FAM135A: variants seen among roughly 807,000 people sequenced by gnomAD.
The protein encoded by FAM135A is family with sequence similarity 135 member A.
In FAM135A, 79 loss-of-function variants were observed where a neutral mutation model predicts 146.8. The ratio of observed to expected loss-of-function variants is 0.54; its 90% CI spans 0.45 to 0.65. The LOEUF is 0.65. FAM135A is among the 30% of genes least tolerant of loss of function. FAM135A has a pLI of 0.00. For missense variants in FAM135A, 1,623 were observed against 1,758.2 expected, an observed-to-expected ratio of 0.92 and a Z score of 1.38; for synonymous variants, 562 against 603.6, an observed-to-expected ratio of 0.93 and a Z score of 1.01.
chr6:70,452,530 G>T lies in FAM135A; in HGVS notation c.116G>T (p.Arg39Ile), dbSNP rs1777343304. The change falls in exon 5 of 22, where the codon AGA becomes ATA. Residue 39 changes from arginine to isoleucine, a missense_variant. Physicochemically the swap from Arg to Ile is moderately conservative, Grantham distance 97 (BLOSUM62 -3). This residue lies in a region of FAM135A where 171 missense variants were observed against 164.9 expected (regional missense o/e 1.04). Coordinates refer to ENST00000418814, the MANE Select transcript of FAM135A (RefSeq NM_001162529.3). ...CGTGCTTCTATGAAAATTCCATCAA[G>T]AATTCCCCACAGAGTAGAAGCTAGT... is the stretch of plus-strand genomic sequence containing the variant. ...QIRASMKIPS[R>I]IPHRVEASLL... The T allele has an allele frequency of 6.3e-7, 1 of 1,596,896 alleles. No individual in the cohort carries two copies. Among genetic ancestry groups the T allele is most frequent in the East Asian group, 2.3e-5 (1 of 43,576 alleles).
intron 10 of FAM135A, among the ~76,000 whole-genome samples, chr6:70,489,364 TA>T (rs368987339): frequency 6.6e-6 from 1 of 151,598 alleles, no homozygotes; most frequent in African/African-American, 2.4e-5. Flanking sequence ...ATTAGTGATC[TA>T]TTTTTTGGTA....
Position 70,560,239 on chromosome 6 carries a change from T to G in FAM135A, c.*318T>G, listed in dbSNP as rs1242348398. On this transcript the variant is annotated 3_prime_UTR_variant, in exon 22 of 22. Transcript: ENST00000418814. ...GTTTATTATTGGCTTTCCACAATTC[T>G]TACATCAGACTACATTATATTAGAG... The G allele has an allele frequency of 1.3e-5, 3 of 228,368 alleles. No individual in the cohort carries two copies. The highest frequency in any genetic ancestry group is 7.0e-5 in the African/African-American group (3 of 42,948). 14.1% of individuals were successfully genotyped at this position (228,368 alleles called of 1,614,324 possible).
At chr6:70,486,667 G>A (rs906597294) in intron 10 of FAM135A, among the ~76,000 whole-genome samples, 2 of 152,038 alleles carry the variant, frequency 1.3e-5, no homozygotes, top group Admixed American at 6.6e-5. Flanking sequence ...GGTGACTCAC[G>A]CCTGTAATCC....
chr6:70,468,919 G>A (rs1055445076), intron 5 of FAM135A, among the ~76,000 whole-genome samples: 2 of 152,130 alleles, frequency 1.3e-5, no homozygotes, highest in Non-Finnish European at 2.9e-5. Context: ...AGGGGACAGC[G>A]ACCTAGTGGC....
chr6:70,554,055 G>T (rs1800357907), intron 20 of FAM135A, among the ~76,000 whole-genome samples: 1 of 152,310 alleles, frequency 6.6e-6, no homozygotes, highest in East Asian at 1.9e-4. Flanking sequence ...GTGACACAAA[G>T]CTTTGTGTCA....
chr6:70,485,697 G>A (rs940831026), intron 10 of FAM135A, among the ~76,000 whole-genome samples: 8 of 151,928 alleles, frequency 5.3e-5, no homozygotes, highest in South Asian at 2.1e-4. Context: ...TTAAAATAAC[G>A]CCTTGAGTTC....
intron 20 of FAM135A, among the ~76,000 whole-genome samples, chr6:70,549,316 G>T (rs1372925845): frequency 1.3e-5 from 2 of 152,020 alleles, no homozygotes; most frequent in South Asian, 2.1e-4. Context: ...TTAAAAGAAT[G>T]AGATAAATTT....
intron 18 of FAM135A, among the ~76,000 whole-genome samples, chr6:70,534,443 C>A (rs894040862): frequency 6.6e-6 from 1 of 151,198 alleles, no homozygotes; most frequent in African/African-American, 2.4e-5. Context: ...CCTCAGCCCC[C>A]CAAGTAGCTG....
At chr6:70,434,196 A>G (rs768036577) in intron 4 of FAM135A, among the ~76,000 whole-genome samples, 5 of 152,210 alleles carry the variant, frequency 3.3e-5, no homozygotes, top group Admixed American at 6.5e-5. Flanking sequence ...TCCAAAGGAG[A>G]AGGAAATATT....
At chr6:70,452,636 T>G in intron 5 of FAM135A, 65 bp downstream of exon 5, 1 of 1,234,366 alleles carries the variant, frequency 8.1e-7, no homozygotes, top group African/African-American at 1.6e-5. Flanking sequence ...TTAATAAAGT[T>G]TTTTCATTAC....
chr6:70,550,566 A>G (rs1345122071), intron 20 of FAM135A, among the ~76,000 whole-genome samples: 1 of 152,214 alleles, frequency 6.6e-6, no homozygotes, highest in Admixed American at 6.5e-5. Flanking sequence ...GGCTTAAAAT[A>G]TTCAGTAACC....
intron 11 of FAM135A, among the ~76,000 whole-genome samples, chr6:70,502,259 T>A (rs2128251366): frequency 6.7e-6 from 1 of 150,140 alleles, no homozygotes; most frequent in Middle Eastern, 3.5e-3. Context: ...ATTTATTATC[T>A]TTCAAAACAA....
intron 3 of FAM135A, among the ~76,000 whole-genome samples, chr6:70,427,194 A>G (rs920393633): frequency 6.6e-6 from 1 of 152,142 alleles, no homozygotes; most frequent in African/African-American, 2.4e-5. Flanking sequence ...AAGTCACCCA[A>G]CAATAGGGGA....
intron 2 of FAM135A, among the ~76,000 whole-genome samples, chr6:70,419,053 C>T (rs1021394223): frequency 3.9e-5 from 6 of 152,214 alleles, no homozygotes; most frequent in African/African-American, 1.4e-4. Flanking sequence ...TCCGCTGGGT[C>T]GGCTACAGAA....
At chr6:70,487,083 CAAAAAAAAAAA>C (rs34560435) in intron 10 of FAM135A, among the ~76,000 whole-genome samples, 149 of 40,622 alleles carry the variant, frequency 3.7e-3, no homozygotes, top group South Asian at 0.012. Context: ...ACTCCCATCT[CAAAAAAAAAAA>C]AAAAAAAAAA....
intron 19 of FAM135A, 141 bp from the exon 20 acceptor site, chr6:70,538,150 A>G: frequency 2.3e-6 from 1 of 440,310 alleles, no homozygotes. Context: ...ATATTTTCCA[A>G]ATATATTTTT....
intron 4 of FAM135A, among the ~76,000 whole-genome samples, chr6:70,432,695 T>C (rs1420927489): frequency 6.6e-6 from 1 of 152,114 alleles, no homozygotes; most frequent in Non-Finnish European, 1.5e-5. Context: ...ATTGGATTAT[T>C]TATAGATAAA....
Position 70,524,902 on chromosome 6 carries a change from A to C in FAM135A, c.1818A>C (p.Leu606=). ...TTGATCCTTTGAACTCTGGCAACCT[A>C]AATCTTTGTGCAAATTTGTCCATTT... ...DQFDPLNSGN[L]NLCANLSISG... Residue 606 remains leucine (L), a synonymous_variant, in exon 15 of 22, where the codon CTA becomes CTC. Transcript: ENST00000418814. 1.2e-6 allele frequency: 2 copies of C among 1,612,778 alleles called. No homozygotes were observed.
chr6:70,437,345 C>T (rs1773408514), intron 4 of FAM135A, among the ~76,000 whole-genome samples: 1 of 151,948 alleles, frequency 6.6e-6, no homozygotes, highest in South Asian at 2.1e-4. Context: ...GGGGAAACAA[C>T]AAGTGGGCTT....
Sources: allele counts gnomAD v4.1 joint callset (sites outside exome capture counted in the v4.1 genomes callset), GRCh38; gene constraint gnomAD v4.1.1; regional missense constraint gnomAD v4.1.1; transcripts MANE v1.5; gene names NCBI Gene and HGNC (gene_info 2026-07-23, HGNC 2026-07-21).